Variants in POLA1 observed in about 807,000 individuals in gnomAD.
POLA1 encodes DNA polymerase alpha 1, catalytic subunit, also known as DNA polymerase alpha catalytic subunit.
In POLA1, 15 loss-of-function variants were observed where a neutral mutation model predicts 124.0. The observed-to-expected ratio is 0.12, with a 90% CI of 0.08 to 0.19. The LOEUF (loss-of-function observed/expected upper bound fraction) is 0.19. Ranked by LOEUF, POLA1 falls within the 10% of genes least tolerant of loss-of-function variation. The pLI is 1.00. For missense variants in POLA1, 886 were observed against 1,103.4 expected, an observed-to-expected ratio of 0.80 and a Z score of 2.79; for synonymous variants, 408 against 389.4, an observed-to-expected ratio of 1.05 and a Z score of -0.56.
intron 36 of POLA1, among the ~76,000 whole-genome samples, chrX:24,959,501 T>TCGC (rs1260481933): frequency 1.8e-5 from 2 of 108,942 alleles, no homozygotes; most frequent in Non-Finnish European, 3.8e-5. Flanking sequence ...TGGTTCTACC[T>TCGC]CTAAGTACAT....
At chrX:24,753,817 T>G (rs1309677181) in intron 26 of POLA1, among the ~76,000 whole-genome samples, 1 of 112,605 alleles carries the variant, frequency 8.9e-6, no homozygotes, top group Non-Finnish European at 1.9e-5. Flanking sequence ...AAAGCCATTT[T>G]TGGTCTGGAT....
chrX:24,735,925 C>T (rs1002828964), intron 18 of POLA1, among the ~76,000 whole-genome samples: 2 of 111,025 alleles, frequency 1.8e-5, no homozygotes, highest in Non-Finnish European at 3.8e-5. Context: ...ACTCAGGGCT[C>T]GGAATTGATT....
intron 35 of POLA1, among the ~76,000 whole-genome samples, chrX:24,923,219 C>T (rs2047642634): frequency 9.0e-6 from 1 of 111,491 alleles, no homozygotes; most frequent in African/African-American, 3.3e-5. Context: ...GGCACTTCCC[C>T]TAAAAAAAAT....
At position 24,944,180 on chromosome X, in the gene POLA1, C is replaced by T. The variant is rs768499650; in HGVS notation, c.4261+13631C>T. 8.0e-5 allele frequency among the ~76,000 whole-genome samples: 9 copies of T among 111,878 alleles called. No individual in the cohort carries two copies. In the South Asian group the frequency reaches 1.1e-3, roughly 14 times the overall value. On this transcript the variant is annotated intron_variant, in intron 36 of 36. Coordinates refer to ENST00000379068, the MANE Select transcript of POLA1 (RefSeq NM_001330360.2). ...GTCTGTATACAGCTCAACAAATAAG[C>T]GGCAAAGCTTTTCATGGGTATATAG...
intron 18 of POLA1, among the ~76,000 whole-genome samples, chrX:24,736,497 G>A (rs1407497292): frequency 1.8e-5 from 2 of 111,815 alleles, no homozygotes; most frequent in Non-Finnish European, 3.8e-5. Context: ...CCTGGCTTCA[G>A]GTGTTAGAGC....
intron 1 of POLA1, among the ~76,000 whole-genome samples, chrX:24,695,058 T>G (rs1927884230): frequency 1.8e-5 from 2 of 112,186 alleles, no homozygotes; most frequent in African/African-American, 6.5e-5. Context: ...ACGTCATCTA[T>G]GAACATCAGG....
intron 36 of POLA1, among the ~76,000 whole-genome samples, chrX:24,961,382 T>C (rs1284383292): frequency 9.0e-6 from 1 of 111,633 alleles, no homozygotes. Flanking sequence ...TATATTATTA[T>C]TTCCAGGGTT....
At chrX:24,994,600 T>C (rs1373399489) in intron 36 of POLA1, among the ~76,000 whole-genome samples, 1 of 111,771 alleles carries the variant, frequency 8.9e-6, no homozygotes. Context: ...AGTAGTGATG[T>C]AGTGGCAGGG....
intron 1 of POLA1, among the ~76,000 whole-genome samples, chrX:24,694,350 C>G (rs942531793): frequency 8.9e-6 from 1 of 112,896 alleles, no homozygotes; most frequent in African/African-American, 3.2e-5. Context: ...TGCGATCTCC[C>G]TAAGTATCCA....
chrX:24,835,746 ATTTAT>A (rs891329820), intron 32 of POLA1, among the ~76,000 whole-genome samples: 3 of 111,011 alleles, frequency 2.7e-5, no homozygotes, highest in South Asian at 3.8e-4. Context: ...TTTAGGCTCA[ATTTAT>A]TTTATTTTAT....
chrX:24,850,010 C>A (rs951300472), intron 34 of POLA1, among the ~76,000 whole-genome samples: 1 of 111,851 alleles, frequency 8.9e-6, no homozygotes, highest in South Asian at 3.7e-4. Context: ...TGGCCTCCAG[C>A]AATCCTCCCT....
intron 26 of POLA1, among the ~76,000 whole-genome samples, chrX:24,805,437 G>A (rs889902412): frequency 2.7e-5 from 3 of 111,270 alleles, no homozygotes; most frequent in Non-Finnish European, 5.6e-5. Context: ...GACTCGACTT[G>A]CGTAGGAATT....
chrX:24,821,502 T>A lies in POLA1; in HGVS notation c.3480T>A (p.His1160Gln). 1 of 1,200,508 alleles carries A rather than the reference T, an allele frequency of 8.3e-7. No individual in the cohort carries two copies. The highest frequency in any genetic ancestry group is 1.7e-5 in the African/African-American group (1 of 57,651). Residue 1160 changes from histidine (H) to glutamine (Q), a missense_variant, in exon 31 of 37, where the codon CAT (histidine) becomes CAA (glutamine). By Grantham distance (24) the His-to-Gln change is conservative (BLOSUM62 0). Around this residue, in one of 7 missense-constraint regions of POLA1, gnomAD observed 313 missense variants for 359.7 expected, o/e 0.87. Coordinates refer to ENST00000379068, the MANE Select transcript of POLA1 (RefSeq NM_001330360.2). Reference protein sequence around the residue: ...QDYPDKKSLPHVHVALWINSQ... With the variant: ...QDYPDKKSLPQVHVALWINSQ... Reference sequence around the variant, plus strand: ...ACCCTGATAAAAAAAGCCTACCTCATGTACATGTTGCCCTCTGGATAAATT... The same window carrying A: ...ACCCTGATAAAAAAAGCCTACCTCAAGTACATGTTGCCCTCTGGATAAATT...
chrX:24,878,308 A>C (rs1479123798), intron 34 of POLA1, among the ~76,000 whole-genome samples: 2 of 111,967 alleles, frequency 1.8e-5, no homozygotes, highest in African/African-American at 6.5e-5. Context: ...ACTTGAAACC[A>C]TACCAATAAA....
intron 35 of POLA1, among the ~76,000 whole-genome samples, chrX:24,898,948 G>C (rs1202655005): frequency 2.7e-5 from 3 of 111,314 alleles, no homozygotes; most frequent in Non-Finnish European, 5.7e-5. Context: ...GTAAATCTCT[G>C]GAGCCTGTCC....
chrX:24,732,052 TC>T (rs1930941097), intron 15 of POLA1, among the ~76,000 whole-genome samples: 1 of 111,860 alleles, frequency 8.9e-6, no homozygotes, highest in Non-Finnish European at 1.9e-5. Context: ...CCTCTTGGGT[TC>T]AAGTGATTCT....
chrX:24,712,463 GC>G (rs1420249191), intron 4 of POLA1, among the ~76,000 whole-genome samples: 1 of 112,166 alleles, frequency 8.9e-6, no homozygotes, highest in Non-Finnish European at 1.9e-5. Context: ...TGTGTTTACT[GC>G]CTGCTTTCCT....
chrX:24,971,849 C>G (rs998706372), intron 36 of POLA1, among the ~76,000 whole-genome samples: 2 of 111,637 alleles, frequency 1.8e-5, no homozygotes, highest in East Asian at 5.5e-4. Context: ...TATTACCTCA[C>G]TACTCTAATA....
At chrX:24,985,497 A>G (rs1601933451) in intron 36 of POLA1, among the ~76,000 whole-genome samples, 1 of 113,009 alleles carries the variant, frequency 8.8e-6, no homozygotes, top group Non-Finnish European at 1.9e-5. Context: ...GTAGGCCTAA[A>G]GGGAGTATCT....
Sources: gnomAD v4.1 joint callset for allele counts (sites outside exome capture counted in the v4.1 genomes callset) on GRCh38, gnomAD v4.1.1 for gene constraint, gnomAD v4.1.1 regional missense constraint, MANE v1.5 for transcripts, NCBI Gene and HGNC (gene_info 2026-07-23, HGNC 2026-07-21) for gene names.